SNCAIP: variants seen among roughly 807,000 people sequenced by gnomAD.
SNCAIP encodes synphilin-1.
Under a neutral mutation model 86.7 loss-of-function variants are expected in SNCAIP, and 43 were observed. The ratio of observed to expected loss-of-function variants is 0.50; its 90% CI spans 0.39 to 0.64. The LOEUF (loss-of-function observed/expected upper bound fraction) is 0.64, where lower values mean the gene tolerates loss of function less well. SNCAIP is among the 30% of genes least tolerant of loss of function. The pLI is 0.00. For missense variants in SNCAIP, 981 were observed against 1,103.1 expected, an observed-to-expected ratio of 0.89 and a Z score of 1.57; for synonymous variants, 417 against 427.2, an observed-to-expected ratio of 0.98 and a Z score of 0.29.
intron 3 of SNCAIP, among the ~76,000 whole-genome samples, chr5:122,421,470 T>C (rs1012977933): frequency 1.3e-5 from 2 of 152,220 alleles, no homozygotes; most frequent in African/African-American, 4.8e-5. Flanking sequence ...TAATAATGTA[T>C]GTTCCACTTT....
chr5:122,411,327 C>T (rs1774073668), intron 3 of SNCAIP, among the ~76,000 whole-genome samples: 1 of 152,140 alleles, frequency 6.6e-6, no homozygotes, highest in Non-Finnish European at 1.5e-5. Context: ...CCCATCCTGT[C>T]ACAGGAATAG....
chr5:122,316,382 A>C (rs2152649934), intron 1 of SNCAIP, among the ~76,000 whole-genome samples: 1 of 152,294 alleles, frequency 6.6e-6, no homozygotes, highest in East Asian at 1.9e-4. Flanking sequence ...TGACAGCCAC[A>C]CCAGGTCAGC....
At chr5:122,351,557 A>AAAAAAAAAAAAAAAAAAC (rs1759829879) in intron 1 of SNCAIP, among the ~76,000 whole-genome samples, 1 of 149,572 alleles carries the variant, frequency 6.7e-6, no homozygotes, top group African/African-American at 2.4e-5. Context: ...AAAAAAAAAA[A>AAAAAAAAAAAAAAAAAAC]AAAAAAAAAG....
intron 3 of SNCAIP, among the ~76,000 whole-genome samples, chr5:122,415,814 T>G (rs1480530929): frequency 1.3e-5 from 2 of 152,168 alleles, no homozygotes; most frequent in Non-Finnish European, 2.9e-5. Flanking sequence ...CCTTGAAATG[T>G]ATCTCTCCCT....
chr5:122,375,188 ATTATT>A (rs1172212687), intron 1 of SNCAIP, among the ~76,000 whole-genome samples: 1 of 152,190 alleles, frequency 6.6e-6, no homozygotes, highest in African/African-American at 2.4e-5. Flanking sequence ...AAAAAAGGAT[ATTATT>A]TTATAGGGAA....
chr5:122,416,727 A>G (rs62381691), intron 3 of SNCAIP, among the ~76,000 whole-genome samples: 1 of 152,206 alleles, frequency 6.6e-6, no homozygotes, highest in Non-Finnish European at 1.5e-5. Flanking sequence ...AAGTGGGTGC[A>G]GTACAGACTT....
intron 5 of SNCAIP, among the ~76,000 whole-genome samples, chr5:122,428,903 C>T (rs527805703): frequency 3.3e-5 from 5 of 152,022 alleles, no homozygotes; most frequent in East Asian, 3.9e-4. Flanking sequence ...TCATCCATGC[C>T]GCTACAAAGG....
chr5:122,433,112 A>AGTGTGT (rs34711914), intron 6 of SNCAIP, among the ~76,000 whole-genome samples: 3,580 of 147,788 alleles, frequency 0.024, 55 homozygotes, highest in African/African-American at 0.045. Flanking sequence ...AACTTCTAGT[A>AGTGTGT]GTGTGTGTGT....
chr5:122,373,557 C>G (rs948425371), intron 1 of SNCAIP, among the ~76,000 whole-genome samples: 3 of 152,164 alleles, frequency 2.0e-5, no homozygotes, highest in African/African-American at 7.2e-5. Context: ...TTGTACCATC[C>G]TAATCTTCAT....
At chr5:122,394,581 T>A (rs1770181200) in intron 2 of SNCAIP, among the ~76,000 whole-genome samples, 1 of 152,222 alleles carries the variant, frequency 6.6e-6, no homozygotes. Flanking sequence ...AGGGTTTTTC[T>A]GTCACTGTGA....
At chr5:122,436,548 A>G (rs1779521607) in intron 6 of SNCAIP, 1 of 152,184 alleles carries the variant, frequency 6.6e-6, no homozygotes, top group Admixed American at 6.5e-5. Context: ...TTGATTCTAC[A>G]TATATCTTAC....
chr5:122,427,228 G>A (rs994965552), intron 5 of SNCAIP, among the ~76,000 whole-genome samples: 1 of 152,086 alleles, frequency 6.6e-6, no homozygotes, highest in Admixed American at 6.5e-5. Context: ...CTGAGTAGAA[G>A]GTACATAAGA....
At chr5:122,448,735 A>G (rs1245284533) in intron 8 of SNCAIP, among the ~76,000 whole-genome samples, 1 of 142,502 alleles carries the variant, frequency 7.0e-6, no homozygotes, top group Non-Finnish European at 1.5e-5. Flanking sequence ...TTTTATATAT[A>G]TATATACACA....
At chr5:122,366,340 G>A (rs1297117052) in intron 1 of SNCAIP, among the ~76,000 whole-genome samples, 9 of 152,196 alleles carry the variant, frequency 5.9e-5, no homozygotes, top group Non-Finnish European at 1.2e-4. Flanking sequence ...CTGTGGCAGG[G>A]TGAGTATGTA....
Position 122,391,101 on chromosome 5 carries a change from A to G in SNCAIP, c.-34A>G. ...CTGTCTCGTTCAGGAATTTATAAGT[A>G]TTTGACCGTACTCAAAATGTGCAAG... On this transcript the variant is annotated 5_prime_UTR_variant, in exon 2 of 11. Coordinates refer to ENST00000261368, the MANE Select transcript of SNCAIP (RefSeq NM_005460.4). The G allele has an allele frequency of 3.2e-6, 5 of 1,566,546 alleles. No individual in the cohort carries two copies. Among genetic ancestry groups the G allele is most frequent in the Non-Finnish European group, 4.4e-6 (5 of 1,136,650 alleles).
intron 1 of SNCAIP, among the ~76,000 whole-genome samples, chr5:122,318,443 C>G (rs1442009540): frequency 6.6e-6 from 1 of 152,164 alleles, no homozygotes; most frequent in African/African-American, 2.4e-5. Flanking sequence ...GTCTTGAGAG[C>G]TGGACTTACT....
chr5:122,416,115 A>G (rs1001764042), intron 3 of SNCAIP, among the ~76,000 whole-genome samples: 4 of 152,184 alleles, frequency 2.6e-5, no homozygotes, highest in African/African-American at 9.6e-5. Flanking sequence ...TATCCAGGGT[A>G]GTAGGGCTTG....
At chr5:122,383,297 C>T (rs1296184910) in intron 1 of SNCAIP, among the ~76,000 whole-genome samples, 2 of 152,132 alleles carry the variant, frequency 1.3e-5, no homozygotes, top group Non-Finnish European at 2.9e-5. Context: ...GGGAGTGACC[C>T]GATTTTCCAG....
chr5:122,445,592 G>T (rs56369505), intron 8 of SNCAIP, among the ~76,000 whole-genome samples: 7,470 of 149,476 alleles, frequency 0.05, 258 homozygotes, highest in East Asian at 0.19. Context: ...AGATTAGGAG[G>T]GTAAATCTTA....
Sources: gnomAD v4.1 joint callset for allele counts (sites outside exome capture counted in the v4.1 genomes callset) on GRCh38, gnomAD v4.1.1 for gene constraint, MANE v1.5 for transcripts, NCBI Gene and HGNC (gene_info 2026-07-23, HGNC 2026-07-21) for gene names.